The following CSMD1 variants were observed in gnomAD, a reference collection of about 807,000 sequenced individuals.
CSMD1 encodes the protein CUB and Sushi multiple domains 1, also known as CUB and sushi domain-containing protein 1.
CSMD1 carries 213 observed loss-of-function variants against 417.5 expected under a neutral mutation model. The ratio of observed to expected loss-of-function variants is 0.51; its 90% confidence interval spans 0.46 to 0.57. The LOEUF is 0.57. Ranked by LOEUF, CSMD1 falls within the 20% of genes least tolerant of loss-of-function variation. The probability of loss-of-function intolerance (pLI) is 0.00; values close to 1 mark genes in which losing one functional copy is unlikely to be tolerated. For missense variants in CSMD1, 6,923 were observed against 4,529.7 expected (o/e 1.53, Z -15.17); for synonymous variants, 2,862 against 1,736.8 (o/e 1.65, Z -16.11).
chr8:3,287,240 C>T (rs1206855957), intron 25 of CSMD1, among the ~76,000 whole-genome samples: 2 of 150,720 alleles, frequency 1.3e-5, no homozygotes, highest in Non-Finnish European at 3.0e-5. Context: ...TAGGGTGATG[C>T]CTCCAGCTTT....
At chr8:3,679,774 C>T (rs4460400) in intron 7 of CSMD1, among the ~76,000 whole-genome samples, 19,561 of 152,210 alleles carry the variant, frequency 0.13, 1,417 homozygotes, top group South Asian at 0.2. Flanking sequence ...AAATTGACCA[C>T]ATAGTTGGAA....
intron 3 of CSMD1, among the ~76,000 whole-genome samples, chr8:4,231,325 C>G (rs1801713831): frequency 6.6e-6 from 1 of 152,174 alleles, no homozygotes; most frequent in Non-Finnish European, 1.5e-5. Flanking sequence ...GGTCCAACCT[C>G]ACATATGACT....
At chr8:3,860,450 T>G (rs1438245130) in intron 5 of CSMD1, among the ~76,000 whole-genome samples, 1 of 152,216 alleles carries the variant, frequency 6.6e-6, no homozygotes, top group Non-Finnish European at 1.5e-5. Context: ...TTTTCCTATT[T>G]GAATGTAGGA....
At chr8:4,881,810 G>A (rs1337546708) in intron 1 of CSMD1, among the ~76,000 whole-genome samples, 1 of 151,918 alleles carries the variant, frequency 6.6e-6, no homozygotes, top group African/African-American at 2.4e-5. Context: ...AAGATGATTT[G>A]GGCCTATAAG....
intron 10 of CSMD1, among the ~76,000 whole-genome samples, chr8:3,565,797 T>C (rs1176461166): frequency 6.6e-6 from 1 of 152,144 alleles, no homozygotes; most frequent in Admixed American, 6.5e-5. Context: ...TACATAACCC[T>C]GAGATATCTC....
At chr8:4,101,592 T>G (rs930073877) in intron 3 of CSMD1, among the ~76,000 whole-genome samples, 1 of 152,324 alleles carries the variant, frequency 6.6e-6, no homozygotes, top group South Asian at 2.1e-4. Flanking sequence ...CATTTTAAAA[T>G]ATTCCAACCC....
chr8:3,079,479 G>T (rs922378347), intron 49 of CSMD1, among the ~76,000 whole-genome samples: 9 of 152,100 alleles, frequency 5.9e-5, no homozygotes, highest in Non-Finnish European at 1.0e-4. Flanking sequence ...GATTGATAAT[G>T]AAATAGAAGC....
chr8:4,693,620 T>C (rs1475215598), intron 1 of CSMD1, among the ~76,000 whole-genome samples: 3 of 152,240 alleles, frequency 2.0e-5, no homozygotes, highest in Non-Finnish European at 2.9e-5. Flanking sequence ...ATTTTTCTCC[T>C]TCCATTTTTT....
In CSMD1 at chr8:4,955,617, G is replaced by A. The variant is rs142600179; in HGVS notation, c.85+38715C>T. On this transcript the variant is annotated intron_variant, in intron 1 of 69. Coordinates refer to ENST00000635120, the MANE Select transcript of CSMD1 (RefSeq NM_033225.6). ...ATTACAAGCATGTACCACTACACCCGGCTAATTTTTGTATTTTTAATAGAG... is the reference window on the plus strand; with the variant it reads ...ATTACAAGCATGTACCACTACACCCAGCTAATTTTTGTATTTTTAATAGAG... Among the ~76,000 whole-genome samples, 91 of 152,016 alleles carry A rather than the reference G, an allele frequency of 6.0e-4. 1 individual carries two copies. The East Asian group carries it at 6.6e-3, about 11-fold the overall frequency.
At chr8:3,137,275 T>C (rs989216612) in intron 41 of CSMD1, among the ~76,000 whole-genome samples, 1 of 152,202 alleles carries the variant, frequency 6.6e-6, no homozygotes, top group Non-Finnish European at 1.5e-5. Context: ...GGACTAAAAA[T>C]TGATTTAATT....
In CSMD1 at chr8:3,493,892, G is replaced by T. The variant is rs368370892; in HGVS notation, c.1345-166C>A. Reference sequence around the variant, plus strand: ...GTTACATGGATAATTATATATATTTGATAGCCTGGCATTATAGAATTTTAT... The same window carrying T: ...GTTACATGGATAATTATATATATTTTATAGCCTGGCATTATAGAATTTTAT... On this transcript the variant is annotated intron_variant, in intron 10 of 69. Coordinates refer to ENST00000635120, the MANE Select transcript of CSMD1 (RefSeq NM_033225.6). 6.6e-5 allele frequency among the ~76,000 whole-genome samples: 10 copies of T among 152,104 alleles called. No homozygotes were observed. The East Asian group carries it at 1.2e-3, about 18-fold the overall frequency.
intron 10 of CSMD1, among the ~76,000 whole-genome samples, chr8:3,536,948 C>T (rs6988212): frequency 0.46 from 69,270 of 151,732 alleles, 16,140 homozygotes; most frequent in East Asian, 0.53. Flanking sequence ...TCAGTATTTA[C>T]TGGGAGCTTT....
chr8:4,831,981 A>C (rs995928398), intron 1 of CSMD1, among the ~76,000 whole-genome samples: 1 of 152,284 alleles, frequency 6.6e-6, no homozygotes, highest in Middle Eastern at 3.4e-3. Flanking sequence ...GGGAACTCCA[A>C]ATTCCCACTG....
At chr8:3,695,609 C>G (rs1036072713) in intron 7 of CSMD1, among the ~76,000 whole-genome samples, 1 of 152,072 alleles carries the variant, frequency 6.6e-6, no homozygotes. Flanking sequence ...GGAAAATGTT[C>G]ACGTGTTTCA....
At chr8:4,178,876 A>G (rs377295981) in intron 3 of CSMD1, among the ~76,000 whole-genome samples, 1 of 152,150 alleles carries the variant, frequency 6.6e-6, no homozygotes, top group South Asian at 2.1e-4. Flanking sequence ...ACAAGGGATG[A>G]GAAGGACCTC....
rs568524966 is a variant in CSMD1 at position 4,991,662 on chromosome 8, G to T, written c.85+2670C>A. On this transcript the variant is annotated intron_variant, in intron 1 of 69. Coordinates refer to ENST00000635120, the MANE Select transcript of CSMD1 (RefSeq NM_033225.6). ...CCTCCGGTGGGCCCTGGAGCGCGCT[G>T]CCGAGCCCCGGGGCCCAGCGCCGAC... is the stretch of plus-strand genomic sequence containing the variant. Among the ~76,000 whole-genome samples the T allele has an allele frequency of 3.5e-3, 530 of 152,212 alleles. 5 individuals carry two copies. The highest frequency in any genetic ancestry group is 0.012 in the African/African-American group (497 of 41,572).
intron 5 of CSMD1, among the ~76,000 whole-genome samples, chr8:3,837,782 AG>A (rs141741859): frequency 0.043 from 6,582 of 152,222 alleles, 199 homozygotes; most frequent in South Asian, 0.06. Flanking sequence ...TTGTTTTCTC[AG>A]ACTGCACTAT....
intron 5 of CSMD1, among the ~76,000 whole-genome samples, chr8:3,779,789 T>A (rs1799080211): frequency 6.6e-6 from 1 of 152,216 alleles, no homozygotes; most frequent in Non-Finnish European, 1.5e-5. Flanking sequence ...TCCAGAAGAT[T>A]AACATCCAGA....
At chr8:4,921,950 A>G (rs1053610719) in intron 1 of CSMD1, among the ~76,000 whole-genome samples, 2 of 152,174 alleles carry the variant, frequency 1.3e-5, no homozygotes, top group Non-Finnish European at 2.9e-5. Context: ...ATCTGTTTGG[A>G]ATACTTGCCC....
Sources: gnomAD v4.1 joint callset for allele counts (sites outside exome capture counted in the v4.1 genomes callset) on GRCh38, gnomAD v4.1.1 for gene constraint, MANE v1.5 for transcripts, NCBI Gene and HGNC (gene_info 2026-07-23, HGNC 2026-07-21) for gene names.